The following SLC35D2 variants were observed in gnomAD, a reference collection of about 807,000 sequenced individuals.
The protein encoded by SLC35D2 is solute carrier family 35 member D2.
A neutral mutation model predicts 41.8 loss-of-function variants in SLC35D2; 43 were observed. The ratio of observed to expected loss-of-function variants is 1.03; its 90% CI spans 0.81 to 1.33. The LOEUF (loss-of-function observed/expected upper bound fraction) is 1.33. SLC35D2 is among the 40% of genes most tolerant of loss of function. The probability of loss-of-function intolerance (pLI) is 0.00; values close to 1 mark genes in which losing one functional copy is unlikely to be tolerated. For synonymous variants in SLC35D2, 150 were observed against 163.9 expected, an observed-to-expected ratio of 0.92 and a Z score of 0.65; for missense variants, 380 against 408.4, an observed-to-expected ratio of 0.93 and a Z score of 0.60.
At position 96,375,721 on chromosome 9, in the gene SLC35D2, G is replaced by C. The variant is rs953046254; in HGVS notation, c.159-7416C>G. ...GATCATGTGGGCAGAACTCCTTCAA[G>C]AGTCTTCTGATTCTGGCTGGGTGTG... On this transcript the variant is annotated intron_variant, in intron 1 of 11. Coordinates refer to ENST00000253270, the MANE Select transcript of SLC35D2 (RefSeq NM_007001.3). Among the ~76,000 whole-genome samples, 5 of 151,628 alleles carry C rather than the reference G, an allele frequency of 3.3e-5. 1 individual carries two copies. In the South Asian group the frequency reaches 8.3e-4, roughly 25 times the overall value.
rs373089900 is a variant in SLC35D2, at chr9:96,338,005, A to AAAAAAAAAAAAAAAAG, written c.685-1222_685-1221insCTTTTTTTTTTTTTTT. On this transcript the variant is annotated intron_variant, in intron 8 of 11. Transcript: ENST00000253270. ...TCAAAAAAAAAAAAAAAAAAAAAAA[A>AAAAAAAAAAAAAAAAG]CTCAATTTCTGCTCTCCAGGAATTT... Among the ~76,000 whole-genome samples the AAAAAAAAAAAAAAAAG allele has an allele frequency of 3.8e-5, 4 of 104,802 alleles. 1 individual carries two copies. Among genetic ancestry groups the AAAAAAAAAAAAAAAAG allele is most frequent in the African/African-American group, 1.7e-4 (4 of 23,402 alleles). 68.8% of individuals were successfully genotyped at this position (104,802 alleles called of 152,430 possible).
downstream of SLC35D2, among the ~76,000 whole-genome samples, chr9:96,317,137 CAA>C (rs199556211): frequency 7.6e-5 from 10 of 131,516 alleles, no homozygotes; most frequent in Middle Eastern, 3.9e-3. Context: ...GACTCCCTCT[CAA>C]AAAAAAAAAA....
intron 9 of SLC35D2, among the ~76,000 whole-genome samples, chr9:96,324,842 A>G (rs1454121827): frequency 6.6e-6 from 1 of 151,294 alleles, no homozygotes; most frequent in Admixed American, 6.6e-5. Flanking sequence ...GGCGTGAGCC[A>G]CCGCGCCTGG....
At chr9:96,322,179 A>G in intron 10 of SLC35D2, 99 bp from the exon 11 acceptor site, 1 of 773,782 alleles carries the variant, frequency 1.3e-6, no homozygotes, top group Non-Finnish European at 2.2e-6. Context: ...GTTACTTTGC[A>G]TAGAGACTTG....
chr9:96,371,718 C>CTT lies in SLC35D2; in HGVS notation c.159-3415_159-3414dup, dbSNP rs774105070. Among the ~76,000 whole-genome samples the CTT allele has an allele frequency of 1.1e-3, 102 of 90,570 alleles. 1 individual carries two copies. The highest frequency in any genetic ancestry group is 1.6e-3 in the Non-Finnish European group (76 of 47,786). 59.4% of individuals were successfully genotyped at this position (90,570 alleles called of 152,430 possible). ...ATTCAGTTCAGTTAAAACTAAATTT[C>CTT]TTTTTTTTTTTTTTTTTTTTTTTTT... On this transcript the variant is annotated intron_variant, in intron 1 of 11. Transcript: ENST00000253270.
intron 8 of SLC35D2, among the ~76,000 whole-genome samples, chr9:96,337,095 G>A (rs998398607): frequency 5.3e-5 from 8 of 152,194 alleles, no homozygotes; most frequent in East Asian, 3.8e-4. Context: ...CGCTATTATC[G>A]CTGAGGCTAT....
Position 96,336,770 on chromosome 9 carries a change from G to T in SLC35D2, c.699C>A (p.Asn233Lys). 1 of 1,574,334 alleles carries T rather than the reference G, an allele frequency of 6.4e-7. No homozygotes were observed. Among genetic ancestry groups the T allele is most frequent in the Non-Finnish European group, 8.7e-7 (1 of 1,151,630 alleles). Residue 233 changes from asparagine to lysine, a missense_variant, in exon 9 of 12, where the codon AAC (asparagine) becomes AAA (lysine). Physicochemically the swap from Asn to Lys is moderately conservative, Grantham distance 94. Coordinates refer to ENST00000253270, the MANE Select transcript of SLC35D2 (RefSeq NM_007001.3). ...TGDLQQATEF[N>K]QWKNVVFILQ... The stretch of plus-strand genomic sequence containing the variant: ...GGATAAACACAACATTCTTCCATTG[G>T]TTGAATTCAGTAGCCTATTATTAAA...
intron 3 of SLC35D2, among the ~76,000 whole-genome samples, chr9:96,361,694 A>T (rs141774297): frequency 1.5e-3 from 229 of 152,098 alleles, no homozygotes; most frequent in African/African-American, 4.9e-3. Flanking sequence ...CAAAATAATT[A>T]AAAAAATGAA....
chr9:96,380,462 T>C (rs974503420), intron 1 of SLC35D2, among the ~76,000 whole-genome samples: 8 of 150,892 alleles, frequency 5.3e-5, no homozygotes, highest in African/African-American at 2.0e-4. Flanking sequence ...TGGTATTTTT[T>C]CTTTTTTTTT....
chr9:96,351,286 C>A, intron 5 of SLC35D2, 115 bp from the exon 6 acceptor site: 1 of 724,260 alleles, frequency 1.4e-6, no homozygotes, highest in Non-Finnish European at 2.4e-6. Context: ...AGCTAAAATC[C>A]AGCAGACAAT....
intron 2 of SLC35D2, among the ~76,000 whole-genome samples, chr9:96,368,033 T>C (rs1830544437): frequency 1.3e-5 from 2 of 152,190 alleles, no homozygotes; most frequent in African/African-American, 4.8e-5. Context: ...GTAATTAAAT[T>C]CAGTTAAGGA....
chr9:96,344,217 C>A (rs552782706), intron 7 of SLC35D2, among the ~76,000 whole-genome samples: 1 of 151,998 alleles, frequency 6.6e-6, no homozygotes, highest in South Asian at 2.1e-4. Flanking sequence ...ACAGAGAAAA[C>A]GCATGGCAGT....
intron 4 of SLC35D2, among the ~76,000 whole-genome samples, chr9:96,352,311 A>AT (rs971902535): frequency 5.9e-5 from 9 of 152,042 alleles, no homozygotes; most frequent in African/African-American, 1.7e-4. Context: ...TTATTTACTT[A>AT]TTTTTTATTT....
chr9:96,338,817 G>A (rs1829175034), intron 8 of SLC35D2, among the ~76,000 whole-genome samples: 1 of 152,092 alleles, frequency 6.6e-6, no homozygotes, highest in Admixed American at 6.6e-5. Flanking sequence ...TATGCTTAAG[G>A]TAGTCAAAGA....
chr9:96,374,866 T>G (rs1286354578), intron 1 of SLC35D2, among the ~76,000 whole-genome samples: 1 of 151,840 alleles, frequency 6.6e-6, no homozygotes, highest in Non-Finnish European at 1.5e-5. Flanking sequence ...AAAATTCATT[T>G]ATGTTTCTAT....
chr9:96,334,610 C>T (rs918526021), intron 9 of SLC35D2, among the ~76,000 whole-genome samples: 1 of 152,084 alleles, frequency 6.6e-6, no homozygotes, highest in African/African-American at 2.4e-5. Flanking sequence ...TGGACTCCAG[C>T]CTGGGAGACA....
downstream of SLC35D2, among the ~76,000 whole-genome samples, chr9:96,318,387 G>C (rs999079825): frequency 2.6e-5 from 4 of 151,918 alleles, no homozygotes; most frequent in Admixed American, 2.6e-4. Flanking sequence ...GAGCCTGGAA[G>C]ATGGAGACTG....
intron 1 of SLC35D2, among the ~76,000 whole-genome samples, chr9:96,372,016 G>A (rs1414360019): frequency 3.9e-5 from 6 of 151,996 alleles, no homozygotes; most frequent in Non-Finnish European, 7.4e-5. Flanking sequence ...GTGAGCCACC[G>A]CGCCCAGCCT....
At chr9:96,355,144 A>G (rs34417991) in intron 4 of SLC35D2, among the ~76,000 whole-genome samples, 4,362 of 151,356 alleles carry the variant, frequency 0.029, 77 homozygotes, top group Middle Eastern at 0.058. Flanking sequence ...TCAGACACCC[A>G]AGTAGCTGGG....
Sources: allele counts gnomAD v4.1 joint callset (sites outside exome capture counted in the v4.1 genomes callset), GRCh38; gene constraint gnomAD v4.1.1; transcripts MANE v1.5; gene names NCBI Gene and HGNC (gene_info 2026-07-23, HGNC 2026-07-21).